Variants in USP34 observed in about 807,000 individuals in gnomAD.
USP34 encodes the protein ubiquitin carboxyl-terminal hydrolase 34.
A neutral mutation model predicts 460.3 loss-of-function variants in USP34; 70 were observed. The ratio of observed to expected loss-of-function variants is 0.15; its 90% CI spans 0.13 to 0.19. USP34 has a LOEUF of 0.19. USP34 is among the 10% of genes least tolerant of loss of function. The probability of loss-of-function intolerance (pLI) is 1.00; values close to 1 mark genes in which losing one functional copy is unlikely to be tolerated. For missense variants in USP34, 3,985 were observed against 4,236.2 expected, an observed-to-expected ratio of 0.94 and a Z score of 1.65; for synonymous variants, 1,647 against 1,405.3, an observed-to-expected ratio of 1.17 and a Z score of -3.85.
At chr2:61,321,660 T>C (rs1690927638) in intron 21 of USP34, among the ~76,000 whole-genome samples, 1 of 152,218 alleles carries the variant, frequency 6.6e-6, no homozygotes, top group Non-Finnish European at 1.5e-5. Flanking sequence ...TCACATAATT[T>C]ATGTTTTTAA....
Position 61,236,144 on chromosome 2 carries a change from G to C in USP34, c.6918+17C>G. 1 of 1,600,234 alleles carries C rather than the reference G, an allele frequency of 6.2e-7. No individual in the cohort carries two copies. Among genetic ancestry groups the C allele is most frequent in the Non-Finnish European group, 8.5e-7 (1 of 1,175,710 alleles). On this transcript the variant is annotated intron_variant, in intron 55 of 79. Transcript: ENST00000398571. ...GTAAATTTTGACAGAATTATTTAAAGTTCATATATTTATTACCTTTGCTGT... is the reference window on the plus strand; with the variant it reads ...GTAAATTTTGACAGAATTATTTAAACTTCATATATTTATTACCTTTGCTGT...
Position 61,246,334 on chromosome 2 carries a change from T to A in USP34, c.6538A>T (p.Asn2180Tyr). 6.4e-7 allele frequency: 1 copy of A among 1,556,838 alleles called. No individual in the cohort carries two copies. The highest frequency in any genetic ancestry group is 8.7e-7 in the Non-Finnish European group (1 of 1,152,874). ...ATATTTAAAACTCACCATTTATTGT[T>A]TTTATAAGCATGGGGATTTACTATA... ...RDIVNPHAYK[N>Y]NKWYLFNDAE... Residue 2180 changes from asparagine (N) to tyrosine (Y), a missense_variant, in exon 50 of 80, where the codon AAC becomes TAC. By Grantham distance (143) the Asn-to-Tyr change is moderately radical. This residue lies in a region of USP34 where 70 missense variants were observed against 78.1 expected (regional missense o/e 0.90). Transcript: ENST00000398571.
chr2:61,469,052 CA>C (rs1695868433), intron 1 of USP34, among the ~76,000 whole-genome samples: 1 of 152,030 alleles, frequency 6.6e-6, no homozygotes, highest in Admixed American at 6.6e-5. Flanking sequence ...ACCAAAAATA[CA>C]AAAATCAGCC....
chr2:61,462,245 GAAA>G (rs1260341115), intron 1 of USP34, among the ~76,000 whole-genome samples: 1 of 143,502 alleles, frequency 7.0e-6, no homozygotes. Context: ...ATCTCAGGGG[GAAA>G]AAAAAAAAAA....
At chr2:61,327,581 A>C (rs963046874) in intron 20 of USP34, among the ~76,000 whole-genome samples, 1 of 152,192 alleles carries the variant, frequency 6.6e-6, no homozygotes, top group African/African-American at 2.4e-5. Flanking sequence ...AAGGAGAATA[A>C]AGTCTTGCCC....
chr2:61,434,289 A>G (rs1573037538), intron 1 of USP34, among the ~76,000 whole-genome samples: 2 of 152,326 alleles, frequency 1.3e-5, no homozygotes, highest in East Asian at 3.9e-4. Context: ...CCAGCCAGGC[A>G]GCCAAGAGCC....
At chr2:61,289,173 T>C (rs1188395248) in intron 33 of USP34, among the ~76,000 whole-genome samples, 2 of 152,082 alleles carry the variant, frequency 1.3e-5, no homozygotes, top group Non-Finnish European at 2.9e-5. Flanking sequence ...TATGAGATTT[T>C]TGAAAAAACA....
chr2:61,222,776 A>G (rs951076502), intron 64 of USP34, 113 bp from the exon 65 acceptor site: 59 of 961,890 alleles, frequency 6.1e-5, no homozygotes, highest in Non-Finnish European at 7.7e-5. Flanking sequence ...AGCTCACTGC[A>G]GCCTCCACTT....
intron 18 of USP34, among the ~76,000 whole-genome samples, chr2:61,334,795 G>A (rs757836148): frequency 1.3e-5 from 2 of 152,106 alleles, no homozygotes; most frequent in Non-Finnish European, 2.9e-5. Context: ...AAGTAGGAAT[G>A]TAGAAATAAG....
At chr2:61,302,404 C>A (rs1388474558) in intron 27 of USP34, among the ~76,000 whole-genome samples, 2 of 152,112 alleles carry the variant, frequency 1.3e-5, no homozygotes, top group Non-Finnish European at 2.9e-5. Flanking sequence ...TCTTCCAAGA[C>A]GAGTCATATT....
chr2:61,444,044 G>C (rs1695042639), intron 1 of USP34, among the ~76,000 whole-genome samples: 1 of 152,130 alleles, frequency 6.6e-6, no homozygotes, highest in African/African-American at 2.4e-5. Context: ...GCGAAAGCAG[G>C]ACTGCTTCAG....
At chr2:61,271,554 C>A (rs1013377495) in intron 41 of USP34, among the ~76,000 whole-genome samples, 1 of 150,866 alleles carries the variant, frequency 6.6e-6, no homozygotes, top group Non-Finnish European at 1.5e-5. Context: ...AGGAATGATA[C>A]TCATACTTTA....
At chr2:61,196,892 GACAA>G (rs1462631492) in intron 75 of USP34, among the ~76,000 whole-genome samples, 1 of 151,928 alleles carries the variant, frequency 6.6e-6, no homozygotes, top group Admixed American at 6.6e-5. Context: ...GCACTACCAC[GACAA>G]ACAAAAAAAT....
intron 75 of USP34, 119 bp downstream of exon 75, chr2:61,203,021 T>G (rs939462833): frequency 3.7e-6 from 4 of 1,081,066 alleles, no homozygotes; most frequent in Non-Finnish European, 3.8e-6. Context: ...TATTAATATT[T>G]TTAAGCATTC....
intron 1 of USP34, among the ~76,000 whole-genome samples, chr2:61,433,708 GA>G (rs1694739054): frequency 6.6e-6 from 1 of 152,224 alleles, no homozygotes; most frequent in East Asian, 1.9e-4. Context: ...ACAACTGCTG[GA>G]AATCCATACA....
At chr2:61,456,353 A>G (rs908337636) in intron 1 of USP34, among the ~76,000 whole-genome samples, 2 of 152,168 alleles carry the variant, frequency 1.3e-5, no homozygotes, top group Non-Finnish European at 2.9e-5. Context: ...TTTGAACTCT[A>G]TTTCAGGAAC....
chr2:61,261,673 A>G (rs1398298913), intron 43 of USP34, among the ~76,000 whole-genome samples: 1 of 152,210 alleles, frequency 6.6e-6, no homozygotes, highest in African/African-American at 2.4e-5. Flanking sequence ...ATATTTTACC[A>G]CAATTAGAAT....
At chr2:61,403,485 T>C (rs1693779931) in intron 3 of USP34, among the ~76,000 whole-genome samples, 1 of 152,202 alleles carries the variant, frequency 6.6e-6, no homozygotes, top group South Asian at 2.1e-4. Context: ...TTATGTAGAT[T>C]AAATATTTCA....
In USP34 at chr2:61,394,907, A is replaced by C. The variant is rs747885175; in HGVS notation, c.699T>G (p.Thr233=). The stretch of plus-strand genomic sequence containing the variant: ...CTATAAGAAATGGCAAAGTTTCAGG[A>C]GTTCCATATTCAAAGCAATCCTTCA... ...SLMKDCFEYG[T]PETLPFLIAH... Residue 233 remains threonine (T), a synonymous_variant, in exon 5 of 80, where the codon ACT becomes ACG. Coordinates refer to ENST00000398571, the MANE Select transcript of USP34 (RefSeq NM_014709.4). The C allele has an allele frequency of 1.2e-6, 2 of 1,603,814 alleles. No homozygotes were observed. Among genetic ancestry groups the C allele is most frequent in the East Asian group, 4.5e-5 (2 of 44,254 alleles).
Sources: gnomAD v4.1 joint callset for allele counts (sites outside exome capture counted in the v4.1 genomes callset) on GRCh38, gnomAD v4.1.1 for gene constraint, gnomAD v4.1.1 regional missense constraint, MANE v1.5 for transcripts, NCBI Gene and HGNC (gene_info 2026-07-23, HGNC 2026-07-21) for gene names.